Variants in NR2F1-AS1 observed in about 807,000 individuals in gnomAD.
NR2F1-AS1 encodes the protein NR2F1 antisense RNA 1.
chr5:93,549,915 G>A (rs1752185375), intron 4 of NR2F1-AS1, among the ~76,000 whole-genome samples: 1 of 152,024 alleles, frequency 6.6e-6, no homozygotes, highest in African/African-American at 2.4e-5. Flanking sequence ...GCTGAACAAT[G>A]AGAACACATG....
At chr5:93,520,784 T>C (rs1751484987) in intron 4 of NR2F1-AS1, among the ~76,000 whole-genome samples, 1 of 152,152 alleles carries the variant, frequency 6.6e-6, no homozygotes, top group Admixed American at 6.5e-5. Context: ...TCCCCTTCTG[T>C]GACCATATAA....
upstream of NR2F1-AS1, among the ~76,000 whole-genome samples, chr5:93,581,702 CT>C (rs1753045447): frequency 1.5e-5 from 1 of 64,736 alleles, no homozygotes; most frequent in African/African-American, 8.7e-5. Flanking sequence ...CTCTCTCTCT[CT>C]CTCTCTCTCT....
At chr5:93,516,587 T>C (rs1751405519) in intron 4 of NR2F1-AS1, among the ~76,000 whole-genome samples, 2 of 152,030 alleles carry the variant, frequency 1.3e-5, no homozygotes, top group South Asian at 4.1e-4. Context: ...AGTATAATAC[T>C]GTTAGCCCTA....
intron 4 of NR2F1-AS1, among the ~76,000 whole-genome samples, chr5:93,424,430 T>C (rs1398127283): frequency 2.0e-5 from 3 of 152,016 alleles, no homozygotes; most frequent in African/African-American, 4.8e-5. Context: ...TAACTAGCCA[T>C]ATTTATACTC....
At chr5:93,491,912 A>G (rs909271085) in intron 4 of NR2F1-AS1, among the ~76,000 whole-genome samples, 1 of 152,190 alleles carries the variant, frequency 6.6e-6, no homozygotes, top group Non-Finnish European at 1.5e-5. Flanking sequence ...TGCAGACAGT[A>G]TATTATAGGA....
intron 4 of NR2F1-AS1, among the ~76,000 whole-genome samples, chr5:93,459,011 CAAAAAAGAAA>C (rs1750026782): frequency 6.7e-6 from 1 of 148,616 alleles, no homozygotes; most frequent in African/African-American, 2.5e-5. Context: ...GACTTCATCT[CAAAAAAGAAA>C]AAAAAAGAAA....
intron 4 of NR2F1-AS1, among the ~76,000 whole-genome samples, chr5:93,447,448 G>C (rs1310869930): frequency 2.6e-5 from 4 of 152,122 alleles, no homozygotes; most frequent in South Asian, 2.1e-4. Flanking sequence ...ACAGACACAT[G>C]AAAAAATGCT....
At chr5:93,562,262 T>C (rs974887592) in intron 2 of NR2F1-AS1, among the ~76,000 whole-genome samples, 1 of 151,970 alleles carries the variant, frequency 6.6e-6, no homozygotes, top group African/African-American at 2.4e-5. Context: ...ATTCTATTTA[T>C]TTAAGATACA....
intron 4 of NR2F1-AS1, among the ~76,000 whole-genome samples, chr5:93,469,193 C>T (rs1750312858): frequency 2.0e-5 from 3 of 152,070 alleles, no homozygotes; most frequent in South Asian, 2.1e-4. Context: ...GTGTGACCAT[C>T]GTGGGGTGTA....
intron 4 of NR2F1-AS1, among the ~76,000 whole-genome samples, chr5:93,495,835 C>T (rs559279860): frequency 3.9e-5 from 6 of 152,054 alleles, no homozygotes; most frequent in South Asian, 4.1e-4. Flanking sequence ...CACTAGTTAT[C>T]GCTTATTTTA....
intron 1 of NR2F1-AS1, among the ~76,000 whole-genome samples, chr5:93,578,104 A>G (rs1050875403): frequency 6.6e-6 from 1 of 152,218 alleles, no homozygotes; most frequent in South Asian, 2.1e-4. Flanking sequence ...CCTCGTGGTA[A>G]GAAAGATATG....
intron 4 of NR2F1-AS1, among the ~76,000 whole-genome samples, chr5:93,537,397 G>A (rs6875319): frequency 0.029 from 4,475 of 152,122 alleles, 214 homozygotes; most frequent in African/African-American, 0.1. Flanking sequence ...CAGAATAGGA[G>A]AAAATATTTG....
chr5:93,488,845 A>C (rs1019236622), intron 4 of NR2F1-AS1, among the ~76,000 whole-genome samples: 1 of 152,224 alleles, frequency 6.6e-6, no homozygotes, highest in Admixed American at 6.5e-5. Context: ...CTTAGAACCA[A>C]CCCAAATGTC....
chr5:93,512,657 T>C (rs1157978670), intron 4 of NR2F1-AS1, among the ~76,000 whole-genome samples: 3 of 152,158 alleles, frequency 2.0e-5, no homozygotes, highest in Admixed American at 6.6e-5. Context: ...TCACAGTAAG[T>C]GCCCTATATA....
chr5:93,425,493 T>G (rs1256123348), intron 4 of NR2F1-AS1, among the ~76,000 whole-genome samples: 2 of 152,206 alleles, frequency 1.3e-5, no homozygotes, highest in Non-Finnish European at 2.9e-5. Flanking sequence ...AATGGATGGA[T>G]CTGCAATGTC....
chr5:93,553,742 T>C (rs986173039), intron 4 of NR2F1-AS1: 2 of 152,192 alleles, frequency 1.3e-5, no homozygotes, highest in Admixed American at 1.3e-4. Context: ...CTTCATGTAT[T>C]AAGATGACAC....
At chr5:93,508,125 A>C (rs1751223629) in intron 4 of NR2F1-AS1, among the ~76,000 whole-genome samples, 1 of 152,186 alleles carries the variant, frequency 6.6e-6, no homozygotes, top group African/African-American at 2.4e-5. Flanking sequence ...GTGACCCTAT[A>C]ATTCACATGT....
chr5:93,491,442 GAAA>G (rs1750847918), intron 4 of NR2F1-AS1, among the ~76,000 whole-genome samples: 1 of 151,910 alleles, frequency 6.6e-6, no homozygotes, highest in Non-Finnish European at 1.5e-5. Flanking sequence ...TGAAGTTCTG[GAAA>G]CCAAAATTTT....
intron 4 of NR2F1-AS1, among the ~76,000 whole-genome samples, chr5:93,501,248 C>T (rs1751072540): frequency 6.7e-6 from 1 of 149,768 alleles, no homozygotes; most frequent in South Asian, 2.1e-4. Flanking sequence ...TACGATAAAA[C>T]TTTTAAAAAT....
Sources: allele counts gnomAD v4.1 joint callset (sites outside exome capture counted in the v4.1 genomes callset), GRCh38; gene constraint gnomAD v4.1.1; transcripts MANE v1.5; gene names NCBI Gene and HGNC (gene_info 2026-07-23, HGNC 2026-07-21).